Variants in CEP112 observed in about 807,000 individuals in gnomAD.
The protein encoded by CEP112 is centrosomal protein of 112 kDa.
CEP112 carries 127 observed loss-of-function variants against 153.0 expected under a neutral mutation model. The ratio of observed to expected loss-of-function variants is 0.83; its 90% CI spans 0.72 to 0.96. The LOEUF is 0.96. Among genes scored for constraint, CEP112 ranks in the 40% least tolerant of loss-of-function variants. The pLI, the probability that CEP112 is intolerant of heterozygous loss-of-function variation, is 0.00. For synonymous variants in CEP112, 358 were observed against 374.4 expected (o/e 0.96, Z 0.51); for missense variants, 1,089 against 1,101.2 (o/e 0.99, Z 0.16).
chr17:66,021,427 G>A (rs2064994642), intron 16 of CEP112, among the ~76,000 whole-genome samples: 2 of 152,154 alleles, frequency 1.3e-5, no homozygotes, highest in Admixed American at 6.5e-5. Context: ...TTGCTGAAGA[G>A]GCATGGTTTT....
chr17:65,717,563 C>T lies in CEP112; in HGVS notation c.2607+25505G>A, dbSNP rs1192019011. ...TCTTCCTTCTGGTTCCAGGGCTTAA[C>T]CAAAAGGCAGATATTTGACACTTGA... On this transcript the variant is annotated intron_variant, in intron 23 of 26. Coordinates refer to ENST00000535342, the MANE Select transcript of CEP112 (RefSeq NM_001199165.4). 3.9e-5 allele frequency among the ~76,000 whole-genome samples: 6 copies of T among 152,286 alleles called. No homozygotes were observed. In the East Asian group the frequency reaches 1.2e-3, roughly 29 times the overall value.
chr17:65,798,246 A>T (rs893173577), intron 21 of CEP112, among the ~76,000 whole-genome samples: 6 of 151,640 alleles, frequency 4.0e-5, no homozygotes, highest in African/African-American at 1.2e-4. Context: ...ATTTAGTCAT[A>T]AAAAAAACAC....
At chr17:65,986,453 C>CT (rs1274077310) in intron 17 of CEP112, among the ~76,000 whole-genome samples, 2 of 152,110 alleles carry the variant, frequency 1.3e-5, no homozygotes, top group Non-Finnish European at 2.9e-5. Flanking sequence ...TATGATAATG[C>CT]TTTTTCCTTC....
chr17:65,846,022 T>C (rs951132872), intron 21 of CEP112, among the ~76,000 whole-genome samples: 4 of 152,236 alleles, frequency 2.6e-5, no homozygotes, highest in Non-Finnish European at 5.9e-5. Flanking sequence ...ATATAGAATG[T>C]CACACTGAGA....
At chr17:65,969,780 C>T (rs2062581596) in intron 17 of CEP112, among the ~76,000 whole-genome samples, 1 of 152,144 alleles carries the variant, frequency 6.6e-6, no homozygotes, top group South Asian at 2.1e-4. Context: ...CACATAGATG[C>T]ATATTACATG....
Position 65,882,374 on chromosome 17 carries a change from G to A in CEP112, c.2163+19778C>T, listed in dbSNP as rs545637311. Among the ~76,000 whole-genome samples the A allele has an allele frequency of 7.7e-4, 118 of 152,324 alleles. 1 individual carries two copies. Among genetic ancestry groups the A allele is most frequent in the African/African-American group, 2.5e-3 (104 of 41,574 alleles). ...TAGCAATGTGCCTAAAACTAAGAAG[G>A]CCCGTAGTACATGTTGGGCAAATAT... On this transcript the variant is annotated intron_variant, in intron 20 of 26. Transcript: ENST00000535342.
chr17:65,743,280 T>C, intron 22 of CEP112, 63 bp from the exon 23 acceptor site: 1 of 1,258,222 alleles, frequency 7.9e-7, no homozygotes. Context: ...ATTTTATATG[T>C]ATTGATGCTT....
chr17:66,031,229 T>C (rs1374476294), intron 12 of CEP112, among the ~76,000 whole-genome samples: 3 of 152,182 alleles, frequency 2.0e-5, no homozygotes, highest in Non-Finnish European at 2.9e-5. Context: ...ATGTCCTGCG[T>C]ATTCATTAAC....
chr17:65,916,364 T>C (rs2060492087), intron 19 of CEP112, among the ~76,000 whole-genome samples: 1 of 151,786 alleles, frequency 6.6e-6, no homozygotes, highest in African/African-American at 2.4e-5. Flanking sequence ...AAAGACTCTA[T>C]ATTTTGTTCA....
chr17:66,183,709 G>A (rs9889344), intron 1 of CEP112, among the ~76,000 whole-genome samples: 37,001 of 151,598 alleles, frequency 0.24, 4,692 homozygotes, highest in Middle Eastern at 0.36. Flanking sequence ...ACAAAGGTGT[G>A]ATCCATGAAG....
chr17:65,779,723 G>A (rs9895803), intron 21 of CEP112, among the ~76,000 whole-genome samples: 1,661 of 152,216 alleles, frequency 0.011, 34 homozygotes, highest in African/African-American at 0.038. Flanking sequence ...GGAACTACAA[G>A]TGCTCAGGTT....
intron 21 of CEP112, among the ~76,000 whole-genome samples, chr17:65,833,131 A>T (rs1178334583): frequency 6.6e-6 from 1 of 152,154 alleles, no homozygotes; most frequent in African/African-American, 2.4e-5. Flanking sequence ...GTAGATGCAA[A>T]AAAAGGCTTT....
At chr17:65,775,973 C>T (rs10512504) in intron 21 of CEP112, among the ~76,000 whole-genome samples, 78,060 of 152,076 alleles carry the variant, frequency 0.51, 21,665 homozygotes, top group Non-Finnish European at 0.63. Context: ...GGTGAACACA[C>T]TTTCGTAATC....
intron 8 of CEP112, among the ~76,000 whole-genome samples, chr17:66,082,735 C>T (rs1801342696): frequency 6.6e-6 from 1 of 151,534 alleles, no homozygotes; most frequent in Non-Finnish European, 1.5e-5. Flanking sequence ...CGTACTCCAG[C>T]CTGGGCGACA....
At chr17:65,946,385 C>T (rs537243038) in intron 18 of CEP112, among the ~76,000 whole-genome samples, 6 of 152,218 alleles carry the variant, frequency 3.9e-5, no homozygotes, top group Non-Finnish European at 8.8e-5. Context: ...TCTTTTTCCC[C>T]CCATATGACT....
At chr17:65,724,684 C>A (rs2144901521) in intron 23 of CEP112, among the ~76,000 whole-genome samples, 1 of 152,274 alleles carries the variant, frequency 6.6e-6, no homozygotes, top group South Asian at 2.1e-4. Flanking sequence ...TATGTCTCAA[C>A]CTATACATGT....
At chr17:65,784,482 A>G (rs781208476) in intron 21 of CEP112, among the ~76,000 whole-genome samples, 1 of 152,026 alleles carries the variant, frequency 6.6e-6, no homozygotes, top group Non-Finnish European at 1.5e-5. Context: ...GTGCTCTGCT[A>G]CTTTTTCTTT....
chr17:65,641,097 T>C (rs761400048), intron 24 of CEP112, 32 bp from the exon 25 acceptor site: 1 of 1,144,090 alleles, frequency 8.7e-7, no homozygotes, highest in East Asian at 2.3e-5. Context: ...AGTTATCTTT[T>C]TACCACATAA....
rs1243161635 is a variant in CEP112 at position 65,743,112 on chromosome 17, C to T, written c.2563G>A (p.Asp855Asn). 2 of 1,612,238 alleles carry T rather than the reference C, an allele frequency of 1.2e-6. No individual in the cohort carries two copies. Among genetic ancestry groups the T allele is most frequent in the Non-Finnish European group, 1.7e-6 (2 of 1,179,414 alleles). The change falls in exon 23 of 27, where the codon GAT (aspartate) becomes AAT (asparagine). Residue 855 changes from aspartate to asparagine, a missense_variant. Physicochemically the swap from Asp to Asn is conservative, Grantham distance 23 (BLOSUM62 1). Transcript: ENST00000535342. Reference protein sequence around the residue: ...RLQDVRQKFEDEKKQLIRDND... With the variant: ...RLQDVRQKFENEKKQLIRDND... ...TCTCTAATCAGCTGCTTCTTCTCATCTTCAAACTTTTGTCTAACATCCTGG... is the reference window on the plus strand; with the variant it reads ...TCTCTAATCAGCTGCTTCTTCTCATTTTCAAACTTTTGTCTAACATCCTGG...
Sources: allele counts gnomAD v4.1 joint callset (sites outside exome capture counted in the v4.1 genomes callset), GRCh38; gene constraint gnomAD v4.1.1; transcripts MANE v1.5; gene names NCBI Gene and HGNC (gene_info 2026-07-23, HGNC 2026-07-21).